Variants in ASPHD1 observed in about 807,000 individuals in gnomAD.
ASPHD1 encodes aspartate beta-hydroxylase domain containing 1.
Under a neutral mutation model 28.3 loss-of-function variants are expected in ASPHD1, and 20 were observed. The ratio of observed to expected loss-of-function variants is 0.71; its 90% CI spans 0.50 to 1.03. The LOEUF is 1.03. Among genes scored for constraint, ASPHD1 ranks in the 50% least tolerant of loss-of-function variants. The probability of loss-of-function intolerance (pLI) is 0.00; values close to 1 mark genes in which losing one functional copy is unlikely to be tolerated. For missense variants in ASPHD1, 479 were observed against 524.1 expected, an observed-to-expected ratio of 0.91 and a Z score of 0.84; for synonymous variants, 240 against 221.2, an observed-to-expected ratio of 1.08 and a Z score of -0.75.
intron 2 of ASPHD1, 129 bp downstream of exon 2, chr16:29,905,094 T>C (rs2068589962): frequency 3.1e-6 from 2 of 644,434 alleles, no homozygotes; most frequent in Non-Finnish European, 5.3e-6. Context: ...TGCATGACCT[T>C]GAACAAGCCG....
downstream of ASPHD1, among the ~76,000 whole-genome samples, chr16:29,907,478 A>G (rs936383476): frequency 3.9e-5 from 6 of 152,208 alleles, no homozygotes; most frequent in African/African-American, 1.4e-4. Context: ...GGGAGGACTC[A>G]GTCATACACT....
downstream of ASPHD1, among the ~76,000 whole-genome samples, chr16:29,908,027 A>G (rs1167614111): frequency 6.6e-6 from 1 of 151,348 alleles, no homozygotes; most frequent in Non-Finnish European, 1.5e-5. Flanking sequence ...TCAGGAAAAG[A>G]GATACATCAG....
chr16:29,919,092 C>A (rs1232488889), intron 3 of ASPHD1, among the ~76,000 whole-genome samples: 1 of 152,196 alleles, frequency 6.6e-6, no homozygotes, highest in Non-Finnish European at 1.5e-5. Flanking sequence ...CCGTGCCCAC[C>A]CAATATCAGT....
chr16:29,906,996 G>A, downstream of ASPHD1: 1 of 1,614,174 alleles, frequency 6.2e-7, no homozygotes, highest in Non-Finnish European at 8.5e-7. Context: ...AGCCCCACCA[G>A]CTCCAGCTGC....
intron 1 of ASPHD1, among the ~76,000 whole-genome samples, chr16:29,903,766 C>T (rs2068575538): frequency 1.3e-5 from 2 of 152,152 alleles, no homozygotes; most frequent in South Asian, 2.1e-4. Flanking sequence ...AACTCCTACT[C>T]AGCCTTCAGT....
At chr16:29,904,175 G>A (rs1205033299) in intron 1 of ASPHD1, among the ~76,000 whole-genome samples, 1 of 152,094 alleles carries the variant, frequency 6.6e-6, no homozygotes, top group Non-Finnish European at 1.5e-5. Flanking sequence ...GCCAGGTGCA[G>A]TGGCTCACAC....
intron 3 of ASPHD1, chr16:29,914,975 CAA>C (rs538063744): frequency 8.5e-5 from 11 of 128,806 alleles, no homozygotes; most frequent in Admixed American, 1.6e-4. Flanking sequence ...GACTCTGTCT[CAA>C]AAAAAAAAAA....
chr16:29,902,387 C>G (rs137993956), intron 1 of ASPHD1, among the ~76,000 whole-genome samples: 2,718 of 152,284 alleles, frequency 0.018, 38 homozygotes, highest in Middle Eastern at 0.031. Context: ...TGAGATTGTG[C>G]TACTGCACTC....
chr16:29,904,877 G>A lies in ASPHD1; in HGVS notation c.975G>A (p.Glu325=), dbSNP rs148420692. The A allele has an allele frequency of 3.7e-6, 6 of 1,612,866 alleles. No individual in the cohort carries two copies. The African/African-American group carries it at 8.0e-5, about 22-fold the overall frequency. The part of the protein sequence containing the change: ...HLGLKIPPGC[E]LVVGGEPQCW... ...GCCTAAAGATCCCTCCTGGCTGTGA[G>A]CTGGTGGTCGGCGGTGAGCCCCAGT... is the stretch of plus-strand genomic sequence containing the variant. The change falls in exon 2 of 3, where the codon GAG becomes GAA. Residue 325 remains glutamate, a synonymous_variant. Transcript: ENST00000308748.
At chr16:29,906,302 G>C, downstream of ASPHD1, 1 of 201,702 alleles carries the variant, frequency 5.0e-6, no homozygotes, top group Non-Finnish European at 1.0e-5. Flanking sequence ...CCTAACACAG[G>C]CATCTCCCCG....
intron 3 of ASPHD1, chr16:29,912,126 G>T (rs2068724431): frequency 3.0e-6 from 3 of 1,009,758 alleles, no homozygotes; most frequent in Non-Finnish European, 4.5e-6. Context: ...TTCAAAAGCT[G>T]GTTGGGAACA....
At chr16:29,902,033 A>G (rs1052194405) in intron 1 of ASPHD1, 113 bp downstream of exon 1, 3 of 852,970 alleles carry the variant, frequency 3.5e-6, no homozygotes, top group Non-Finnish European at 4.9e-6. Context: ...CTCTTCTTCC[A>G]TGGCTCCCTG....
downstream of ASPHD1, among the ~76,000 whole-genome samples, chr16:29,908,869 A>AT (rs1249871432): frequency 6.7e-6 from 1 of 149,738 alleles, no homozygotes; most frequent in African/African-American, 2.5e-5. Flanking sequence ...ATTTTTTTTT[A>AT]TTTTTTGTAG....
chr16:29,911,172 T>C, intron 3 of ASPHD1: 1 of 1,613,728 alleles, frequency 6.2e-7, no homozygotes, highest in Non-Finnish European at 8.5e-7. Context: ...TCATCTGAAG[T>C]GCTGGGGACC....
chr16:29,901,102 G>A lies in ASPHD1; in HGVS notation c.131G>A (p.Gly44Glu), dbSNP rs1474044227. The change falls in exon 1 of 3, where the codon GGG (glycine) becomes GAG (glutamate). Residue 44 changes from glycine (G) to glutamate (E), a missense_variant. Gly to Glu is a moderately conservative substitution (Grantham distance 98, BLOSUM62 -2). Transcript: ENST00000308748. This position sits in a 1 kb window ranked among gnomAD's most constrained non-coding sequence, Gnocchi z 5.1. ...SQGAAMEGTG[G>E]ELGGQGNWGP... ...GGGGCAGCCATGGAAGGGACAGGTG[G>A]GGAGCTGGGGGGACAGGGGAACTGG... 2 of 1,610,036 alleles carry A rather than the reference G, an allele frequency of 1.2e-6. No homozygotes were observed. The highest frequency in any genetic ancestry group is 1.3e-5 in the African/African-American group (1 of 74,882).
At chr16:29,906,146 TTC>T (rs2068608657), downstream of ASPHD1, 1 of 291,730 alleles carries the variant, frequency 3.4e-6, no homozygotes, top group Non-Finnish European at 6.3e-6. Flanking sequence ...TTTTTTTTCT[TTC>T]TTTTTTTTTT....
chr16:29,901,424 G>C lies in ASPHD1; in HGVS notation c.453G>C (p.Arg151=). The part of the protein sequence containing the change: ...RTEGLVSRRL[R]AYARRYSWAG... ...AAGGCCTAGTGAGCCGGCGGCTTCG[G>C]GCCTACGCAAGGCGCTACTCCTGGG... Residue 151 remains arginine, a synonymous_variant, in exon 1 of 3, where the codon CGG becomes CGC. Coordinates refer to ENST00000308748, the MANE Select transcript of ASPHD1 (RefSeq NM_181718.4). The surrounding 1 kb of genome is among the most constrained non-coding windows in gnomAD (Gnocchi z 5.1). 1.9e-6 allele frequency: 3 copies of C among 1,597,894 alleles called. No individual in the cohort carries two copies. The highest frequency in any genetic ancestry group is 2.6e-6 in the Non-Finnish European group (3 of 1,173,414).
rs113539656 is a variant in ASPHD1 at position 29,911,415 on chromosome 16, A to G, written c.*62+5456A>G. 1.2e-3 allele frequency: 674 copies of G among 560,724 alleles called. 3 individuals carry two copies. The African/African-American group carries it at 0.012, about 10-fold the overall frequency. The allele number at this position is 560,724 out of a possible 1,614,324, so 34.7% of individuals were successfully genotyped here. ...CCAGTGAGGGACCGGGAGCCAGGCC[A>G]CCTCCCCGGGGGTCCTGGTGTCCCC... On this transcript the variant is annotated intron_variant and NMD_transcript_variant, in intron 3 of 3. Transcript: ENST00000414952.
intron 3 of ASPHD1, chr16:29,911,106 GC>G: frequency 6.2e-7 from 1 of 1,614,162 alleles, no homozygotes; most frequent in East Asian, 2.2e-5. Flanking sequence ...AAGAGTAGCC[GC>G]CCGTGGAAGC....
Sources: allele counts gnomAD v4.1 joint callset (sites outside exome capture counted in the v4.1 genomes callset), GRCh38; gene constraint gnomAD v4.1.1; non-coding constraint Gnocchi (gnomAD v3.1); transcripts MANE v1.5; gene names NCBI Gene and HGNC (gene_info 2026-07-23, HGNC 2026-07-21).